The following HDAC4 variants were observed in gnomAD, a reference collection of about 807,000 sequenced individuals.
The protein encoded by HDAC4 is histone deacetylase A.
HDAC4 carries 16 observed loss-of-function variants against 135.1 expected under a neutral mutation model. The observed-to-expected ratio is 0.12, with a 90% CI of 0.08 to 0.18. The LOEUF (loss-of-function observed/expected upper bound fraction) is 0.18, where lower values mean the gene tolerates loss of function less well. Among genes scored for constraint, HDAC4 ranks in the 10% least tolerant of loss-of-function variants. The pLI is 1.00. For synonymous variants in HDAC4, 685 were observed against 653.4 expected (o/e 1.05, Z -0.74); for missense variants, 1,143 against 1,511.8 (o/e 0.76, Z 4.05).
chr2:239,277,054 C>T (rs1332199400), intron 2 of HDAC4, among the ~76,000 whole-genome samples: 1 of 151,962 alleles, frequency 6.6e-6, no homozygotes. Context: ...CTGGTGGCAC[C>T]TGGGACTCTG....
intron 3 of HDAC4, among the ~76,000 whole-genome samples, chr2:239,210,017 C>G (rs887246248): frequency 6.6e-6 from 1 of 152,172 alleles, no homozygotes; most frequent in Non-Finnish European, 1.5e-5. Flanking sequence ...ATGAATGAGA[C>G]GGGGCCTTCT....
rs566212087 is a variant in HDAC4 at position 239,315,269 on chromosome 2, G to A, written c.22+37409C>T. 5.9e-5 allele frequency among the ~76,000 whole-genome samples: 9 copies of A among 152,134 alleles called. No individual in the cohort carries two copies. In the East Asian group the frequency reaches 1.2e-3, roughly 20 times the overall value. ...AATGTATGAAACCAAGCTGTTCCCCGACCACCTTGGGCACATGTTGTCAGC... is the reference window on the plus strand; with the variant it reads ...AATGTATGAAACCAAGCTGTTCCCCAACCACCTTGGGCACATGTTGTCAGC... On this transcript the variant is annotated intron_variant, in intron 2 of 26. Coordinates refer to ENST00000543185, the MANE Select transcript of HDAC4 (RefSeq NM_001378414.1).
At chr2:239,124,375 C>T (rs1244079874) in intron 12 of HDAC4, among the ~76,000 whole-genome samples, 2 of 152,238 alleles carry the variant, frequency 1.3e-5, no homozygotes, top group African/African-American at 2.4e-5. Flanking sequence ...CTGTTGGGGA[C>T]GTTTTATGTG....
In HDAC4 at chr2:239,115,407, GAC is replaced by G; in HGVS notation, c.1534-99_1534-98del. 1 of 1,452,506 alleles carries G rather than the reference GAC, an allele frequency of 6.9e-7. No homozygotes were observed. The highest frequency in any genetic ancestry group is 1.8e-5 in the Admixed American group (1 of 56,592). 90.0% of individuals were successfully genotyped at this position (1,452,506 alleles called of 1,614,324 possible). ...GCTGCAAACCCCACCCTCTGGGGCA[GAC>G]AATCAGGGACTCAGGGCACCTTATC... On this transcript the variant is annotated intron_variant, in intron 12 of 26. Coordinates refer to ENST00000543185, the MANE Select transcript of HDAC4 (RefSeq NM_001378414.1). This position sits in a 1 kb window ranked among gnomAD's most constrained non-coding sequence, Gnocchi z 6.3.
intron 24 of HDAC4, among the ~76,000 whole-genome samples, chr2:239,060,631 A>G (rs2032547275): frequency 1.3e-5 from 2 of 152,260 alleles, no homozygotes. Flanking sequence ...CCACTGCTGA[A>G]GACAGTTTTA....
At chr2:239,292,276 G>C (rs1211880125) in intron 2 of HDAC4, among the ~76,000 whole-genome samples, 1 of 152,244 alleles carries the variant, frequency 6.6e-6, no homozygotes, top group Non-Finnish European at 1.5e-5. Context: ...AGGGGACCCT[G>C]AGGTCACCTT....
At chr2:239,342,652 G>A (rs1385479909) in intron 2 of HDAC4, among the ~76,000 whole-genome samples, 1 of 152,198 alleles carries the variant, frequency 6.6e-6, no homozygotes, top group Non-Finnish European at 1.5e-5. Context: ...CCGTCAGCAT[G>A]GAACCACACT....
rs1337996072 is a variant in HDAC4 at position 239,163,786 on chromosome 2, C to A, written c.611+17G>T. The A allele has an allele frequency of 1.9e-6, 3 of 1,613,460 alleles. No individual in the cohort carries two copies. On this transcript the variant is annotated intron_variant, in intron 6 of 26. Transcript: ENST00000543185. ...CCCCAGAGAGGAGGCCGGGGTGCTC[C>A]CCACACCCACACTTACCCGTACCAG...
intron 26 of HDAC4, 93 bp from the exon 27 acceptor site, chr2:239,053,229 C>T: frequency 1.3e-6 from 2 of 1,509,728 alleles, no homozygotes; most frequent in Middle Eastern, 1.8e-4. Context: ...TGTGTGCTGC[C>T]CCACCCGCCA....
At chr2:239,135,202 T>C (rs1287783120) in intron 9 of HDAC4, among the ~76,000 whole-genome samples, 2 of 152,144 alleles carry the variant, frequency 1.3e-5, no homozygotes, top group East Asian at 3.9e-4. Flanking sequence ...CATGCCTGTA[T>C]CAAAACATCT....
rs1376229718 is a variant in HDAC4 at position 239,068,660 on chromosome 2, G to A, written c.2751-53C>T. The A allele has an allele frequency of 6.3e-5, 94 of 1,484,624 alleles. No homozygotes were observed. The highest frequency in any genetic ancestry group is 6.0e-5 in the Non-Finnish European group (64 of 1,062,842). The allele number at this position is 1,484,624 out of a possible 1,614,324, so 92.0% of individuals were successfully genotyped here. ...GGGTCAGCTGAAAGAGGGACGGGAC[G>A]GTCACAAAACCCCAAGGTTCCCTCT... On this transcript the variant is annotated intron_variant, in intron 22 of 26. Coordinates refer to ENST00000543185, the MANE Select transcript of HDAC4 (RefSeq NM_001378414.1). The surrounding 1 kb of genome is among the most constrained non-coding windows in gnomAD (Gnocchi z 4.4).
chr2:239,060,615 G>A (rs1022873482), intron 24 of HDAC4, among the ~76,000 whole-genome samples: 2 of 152,216 alleles, frequency 1.3e-5, no homozygotes, highest in Non-Finnish European at 2.9e-5. Flanking sequence ...CTGAGGTCTG[G>A]TCACGCCACT....
At chr2:239,157,428 T>C (rs2042496771) in intron 6 of HDAC4, among the ~76,000 whole-genome samples, 1 of 152,184 alleles carries the variant, frequency 6.6e-6, no homozygotes, top group African/African-American at 2.4e-5. Flanking sequence ...ACTTCCTGTA[T>C]GAACAGCTGG....
chr2:239,102,323 C>T (rs1219289883), intron 16 of HDAC4, among the ~76,000 whole-genome samples: 1 of 152,210 alleles, frequency 6.6e-6, no homozygotes, highest in African/African-American at 2.4e-5. Flanking sequence ...GCTAAAATTC[C>T]CCTCCACCAC....
rs887775281 is a variant in HDAC4 at position 239,115,417 on chromosome 2, G to C, written c.1534-107C>G. Reference sequence around the variant, plus strand: ...CCACCCTCTGGGGCAGACAATCAGGGACTCAGGGCACCTTATCACCCTGCC... The same window carrying C: ...CCACCCTCTGGGGCAGACAATCAGGCACTCAGGGCACCTTATCACCCTGCC... On this transcript the variant is annotated intron_variant, in intron 12 of 26. Transcript: ENST00000543185. The surrounding 1 kb of genome is among the most constrained non-coding windows in gnomAD (Gnocchi z 6.3). 2 of 1,398,934 alleles carry C rather than the reference G, an allele frequency of 1.4e-6. No individual in the cohort carries two copies. The highest frequency in any genetic ancestry group is 2.8e-5 in the African/African-American group (2 of 70,782). The allele number at this position is 1,398,934 out of a possible 1,614,324, so 86.7% of individuals were successfully genotyped here. A position where few individuals can be genotyped will look rare whatever the true frequency, so the allele number is the denominator to read the frequency against.
intron 2 of HDAC4, among the ~76,000 whole-genome samples, chr2:239,252,860 C>T (rs1179312134): frequency 6.6e-6 from 1 of 152,224 alleles, no homozygotes; most frequent in Non-Finnish European, 1.5e-5. Flanking sequence ...CCGATCATTT[C>T]TCTCCTCCCT....
At chr2:239,295,232 G>A (rs1271697163) in intron 2 of HDAC4, among the ~76,000 whole-genome samples, 2 of 145,572 alleles carry the variant, frequency 1.4e-5, no homozygotes, top group Non-Finnish European at 3.0e-5. Context: ...GCGTGAACCC[G>A]GGAGGCGGAG....
intron 1 of HDAC4, among the ~76,000 whole-genome samples, chr2:239,374,386 C>CTTTTTTTTTTTTTTTTT (rs755538495): frequency 1.8e-5 from 1 of 56,666 alleles, no homozygotes; most frequent in Non-Finnish European, 3.0e-5. Flanking sequence ...GAAAACAAGG[C>CTTTTTTTTTTTTTTTTT]TTTTTTTTTT....
At chr2:239,132,045 G>T (rs890782072) in intron 11 of HDAC4, among the ~76,000 whole-genome samples, 2 of 152,168 alleles carry the variant, frequency 1.3e-5, no homozygotes, top group Non-Finnish European at 2.9e-5. Context: ...TGGCGGGGCT[G>T]GGGGAGGGCC....
Sources: gnomAD v4.1 joint callset for allele counts (sites outside exome capture counted in the v4.1 genomes callset) on GRCh38, gnomAD v4.1.1 for gene constraint, Gnocchi (gnomAD v3.1) non-coding constraint, MANE v1.5 for transcripts, NCBI Gene and HGNC (gene_info 2026-07-23, HGNC 2026-07-21) for gene names.